Variants in MRGPRX3 observed in about 807,000 individuals in gnomAD.
MRGPRX3 encodes MAS related GPR family member X3, also known as mas-related G protein-coupled receptor member X3.
A neutral mutation model predicts 16.5 loss-of-function variants in MRGPRX3; 14 were observed. The observed-to-expected ratio is 0.85, with a 90% CI of 0.56 to 1.33. The LOEUF is 1.33. Among genes scored for constraint, MRGPRX3 ranks in the 40% most tolerant of loss-of-function variants. The probability of loss-of-function intolerance (pLI) is 0.00; values close to 1 mark genes in which losing one functional copy is unlikely to be tolerated. For missense variants in MRGPRX3, 449 were observed against 413.0 expected (o/e 1.09, Z -0.76); for synonymous variants, 199 against 180.1 (o/e 1.10, Z -0.84).
intron 1 of MRGPRX3, among the ~76,000 whole-genome samples, chr11:18,124,253 C>T (rs1166378696): frequency 6.6e-6 from 1 of 152,204 alleles, no homozygotes; most frequent in Non-Finnish European, 1.5e-5. Flanking sequence ...GAGAGGGCAT[C>T]CCTGTCTTGT....
intron 1 of MRGPRX3, chr11:18,121,230 C>T (rs1352058544): frequency 6.4e-6 from 1 of 155,046 alleles, no homozygotes; most frequent in Non-Finnish European, 1.4e-5. Context: ...TGGCAACCGC[C>T]CCGTTTGAGA....
At chr11:18,122,555 A>G (rs1848850936) in intron 1 of MRGPRX3, among the ~76,000 whole-genome samples, 1 of 152,188 alleles carries the variant, frequency 6.6e-6, no homozygotes, top group Admixed American at 6.5e-5. Flanking sequence ...CATGGTGTAT[A>G]TGTGCCACAT....
rs1307465865 is a variant in MRGPRX3, at chr11:18,127,003, A to G, written c.-151-5611A>G. On this transcript the variant is annotated intron_variant, in intron 1 of 2. Transcript: ENST00000396275. ...GTGATTTATAATCCTTTGGGAATAT[A>G]CCCAGTAATGAGATGGCTGGGCCAA... Among the ~76,000 whole-genome samples, 6 of 152,338 alleles carry G rather than the reference A, an allele frequency of 3.9e-5. No individual in the cohort carries two copies. The East Asian group carries it at 1.2e-3, about 29-fold the overall frequency.
At position 18,138,096 on chromosome 11, in the gene MRGPRX3, G is replaced by A. The variant is rs766771028; in HGVS notation, c.894G>A (p.Thr298=). 1.1e-5 allele frequency: 17 copies of A among 1,614,066 alleles called. No homozygotes were observed. In the East Asian group the frequency reaches 1.6e-4, roughly 15 times the overall value. ...KLVLQRALQD[T]PEVDEGGGWL... is the part of the protein sequence containing the mutation. Reference sequence around the variant, plus strand: ...TTCTCCAGAGGGCTCTGCAGGACACGCCTGAGGTGGATGAAGGTGGAGGGT... The same window carrying A: ...TTCTCCAGAGGGCTCTGCAGGACACACCTGAGGTGGATGAAGGTGGAGGGT... Residue 298 remains threonine, a synonymous_variant, in exon 2 of 2, where the codon ACG becomes ACA. Transcript: ENST00000621697.
At position 18,136,069 on chromosome 11, in the gene MRGPRX3, C is replaced by T. The variant is rs377563845; in HGVS notation, c.-25-1109C>T. 2.6e-3 allele frequency among the ~76,000 whole-genome samples: 394 copies of T among 152,286 alleles called. 16 individuals are homozygous for T. In the South Asian group the frequency reaches 0.078, roughly 30 times the overall value. On this transcript the variant is annotated intron_variant, in intron 1 of 1. Transcript: ENST00000621697. ...ATCTCTCTTTACAACCCAAGCCCTA[C>T]ACTTCTCCTATTTCCACTCATGGAC... is the stretch of plus-strand genomic sequence containing the variant.
At chr11:18,135,860 G>C (rs1443645214) in intron 1 of MRGPRX3, among the ~76,000 whole-genome samples, 1 of 151,896 alleles carries the variant, frequency 6.6e-6, no homozygotes, top group East Asian at 1.9e-4. Flanking sequence ...TAACCCCCCG[G>C]ACAAATAATA....
At position 18,137,355 on chromosome 11, in the gene MRGPRX3, C is replaced by G; in HGVS notation, c.153C>G (p.Leu51=). The G allele has an allele frequency of 1.2e-6, 2 of 1,614,196 alleles. No individual in the cohort carries two copies. Among genetic ancestry groups the G allele is most frequent in the Non-Finnish European group, 1.7e-6 (2 of 1,180,032 alleles). The change falls in exon 2 of 2, where the codon CTC becomes CTG. Residue 51 remains leucine, a synonymous_variant. Transcript: ENST00000621697. ...CAGGAAACGCGGTTGTGCTCTGGCTCCTGGGCTGCCGCATGCGCAGGAACG... is the reference window on the plus strand; with the variant it reads ...CAGGAAACGCGGTTGTGCTCTGGCTGCTGGGCTGCCGCATGCGCAGGAACG... ...ALTGNAVVLW[L]LGCRMRRNAV... is the part of the protein sequence containing the mutation.
chr11:18,123,911 G>T (rs1387253320), intron 1 of MRGPRX3, among the ~76,000 whole-genome samples: 1 of 152,152 alleles, frequency 6.6e-6, no homozygotes, highest in African/African-American at 2.4e-5. Context: ...CACATCCCTT[G>T]TAAGCTGGAT....
intron 1 of MRGPRX3, among the ~76,000 whole-genome samples, chr11:18,125,993 A>G (rs1274812940): frequency 6.6e-6 from 1 of 152,132 alleles, no homozygotes; most frequent in African/African-American, 2.4e-5. Flanking sequence ...CTGTTTTATC[A>G]GAGACTAGAA....
In MRGPRX3 at chr11:18,137,474, G is replaced by T; in HGVS notation, c.272G>T (p.Arg91Leu). 1 of 1,613,932 alleles carries T rather than the reference G, an allele frequency of 6.2e-7. No homozygotes were observed. Among genetic ancestry groups the T allele is most frequent in the Non-Finnish European group, 8.5e-7 (1 of 1,179,994 alleles). ...ICSPLRLINI[R>L]HPISKILSPV... ...TCGCCGTTACGCCTCATCAATATCCGCCATCCCATCTCCAAAATCCTCAGT... is the reference window on the plus strand; with the variant it reads ...TCGCCGTTACGCCTCATCAATATCCTCCATCCCATCTCCAAAATCCTCAGT... The change falls in exon 2 of 2, where the codon CGC becomes CTC. Residue 91 changes from arginine to leucine, a missense_variant. Coordinates refer to ENST00000621697, the MANE Select transcript of MRGPRX3 (RefSeq NM_001370464.1).
At chr11:18,123,249 C>T (rs147742285) in intron 1 of MRGPRX3, among the ~76,000 whole-genome samples, 69,066 of 151,600 alleles carry the variant, frequency 0.46, 17,683 homozygotes, top group African/African-American at 0.69. Context: ...GTTTTAGACA[C>T]GAAGTCCTTG....
intron 1 of MRGPRX3, among the ~76,000 whole-genome samples, chr11:18,126,705 T>C (rs1234578623): frequency 2.6e-5 from 4 of 152,078 alleles, no homozygotes; most frequent in Admixed American, 1.3e-4. Context: ...TGTGTTCTCA[T>C]TGTTCAATTC....
Position 18,138,061 on chromosome 11 carries a change from C to G in MRGPRX3, c.859C>G (p.Leu287Val), listed in dbSNP as rs769725654. ...TAGGCAGCGTCAAAATAGGCAGAACCTGAAGCTGGTTCTCCAGAGGGCTCT... is the reference window on the plus strand; with the variant it reads ...TAGGCAGCGTCAAAATAGGCAGAACGTGAAGCTGGTTCTCCAGAGGGCTCT... ...SFRQRQNRQN[L>V]KLVLQRALQD... Residue 287 changes from leucine to valine, a missense_variant, in exon 2 of 2, where the codon CTG becomes GTG. Coordinates refer to ENST00000621697, the MANE Select transcript of MRGPRX3 (RefSeq NM_001370464.1). 2.5e-6 allele frequency: 4 copies of G among 1,614,070 alleles called. No homozygotes were observed. Among genetic ancestry groups the G allele is most frequent in the Non-Finnish European group, 3.4e-6 (4 of 1,180,048 alleles).
intron 1 of MRGPRX3, among the ~76,000 whole-genome samples, chr11:18,124,145 T>C (rs1848867733): frequency 6.6e-6 from 1 of 152,222 alleles, no homozygotes; most frequent in Admixed American, 6.5e-5. Context: ...CAGGGACAGT[T>C]TGACTTCCTC....
At chr11:18,126,250 A>C (rs1848894284) in intron 1 of MRGPRX3, among the ~76,000 whole-genome samples, 1 of 152,092 alleles carries the variant, frequency 6.6e-6, no homozygotes, top group Non-Finnish European at 1.5e-5. Flanking sequence ...GTTAGCTGTT[A>C]ATTTTGCTCA....
rs1042652163 is a variant in MRGPRX3, at chr11:18,122,344, C to G, written c.-152+1180C>G. Among the ~76,000 whole-genome samples, 6 of 152,218 alleles carry G rather than the reference C, an allele frequency of 3.9e-5. No individual in the cohort carries two copies. The East Asian group carries it at 1.2e-3, about 29-fold the overall frequency. ...ATTAGGTATTTCTCCTAATGCTATC[C>G]CTCCCACGACAGGCCCCAGGGTGGG... On this transcript the variant is annotated intron_variant, in intron 1 of 2. Transcript: ENST00000396275.
chr11:18,135,893 C>T (rs1258167436), intron 1 of MRGPRX3, among the ~76,000 whole-genome samples: 1 of 152,160 alleles, frequency 6.6e-6, no homozygotes, highest in Non-Finnish European at 1.5e-5. Flanking sequence ...ACTCTAATTT[C>T]ATTATCTGCA....
chr11:18,134,566 C>T (rs1848991446), intron 1 of MRGPRX3, among the ~76,000 whole-genome samples: 1 of 152,188 alleles, frequency 6.6e-6, no homozygotes, highest in African/African-American at 2.4e-5. Flanking sequence ...TTGGTCTGTG[C>T]TGGGGTTCTG....
chr11:18,134,429 A>G (rs2134084671), intron 1 of MRGPRX3, among the ~76,000 whole-genome samples: 1 of 152,354 alleles, frequency 6.6e-6, no homozygotes, highest in African/African-American at 2.4e-5. Flanking sequence ...CAATATAACA[A>G]GAACTTATAT....
Sources: allele counts gnomAD v4.1 joint callset (sites outside exome capture counted in the v4.1 genomes callset), GRCh38; gene constraint gnomAD v4.1.1; transcripts MANE v1.5; gene names NCBI Gene and HGNC (gene_info 2026-07-23, HGNC 2026-07-21).